MYT1L: variants seen among roughly 807,000 people sequenced by gnomAD.
MYT1L encodes the protein myelin transcription factor 1 like.
MYT1L carries 12 observed loss-of-function variants against 126.7 expected under a neutral mutation model. That is an observed-to-expected ratio of 0.09 (90% CI 0.06 to 0.15). The LOEUF is 0.15. Ranked by LOEUF, MYT1L falls within the 10% of genes least tolerant of loss-of-function variation. The pLI, the probability that MYT1L is intolerant of heterozygous loss-of-function variation, is 1.00. For missense variants in MYT1L, 979 were observed against 1,585.2 expected (o/e 0.62, Z 6.49); for synonymous variants, 541 against 604.2 (o/e 0.90, Z 1.53).
At chr2:1,853,185 C>G (rs938271561) in intron 18 of MYT1L, among the ~76,000 whole-genome samples, 7 of 152,094 alleles carry the variant, frequency 4.6e-5, no homozygotes, top group Non-Finnish European at 8.8e-5. Context: ...TGACCTGCTC[C>G]CGGGGAGAAT....
chr2:2,104,506 C>T (rs547458437), intron 3 of MYT1L, among the ~76,000 whole-genome samples: 18 of 152,254 alleles, frequency 1.2e-4, no homozygotes, highest in South Asian at 4.1e-4. Flanking sequence ...GCTTTTCAGG[C>T]GGGCAGGATG....
chr2:2,115,784 G>A (rs1377310520), intron 3 of MYT1L, among the ~76,000 whole-genome samples: 2 of 152,216 alleles, frequency 1.3e-5, no homozygotes, highest in Admixed American at 1.3e-4. Context: ...CTGTGCAGTT[G>A]AGGAAGCTGA....
At chr2:1,949,428 C>T (rs1022885929) in intron 8 of MYT1L, among the ~76,000 whole-genome samples, 21 of 152,090 alleles carry the variant, frequency 1.4e-4, no homozygotes, top group African/African-American at 4.6e-4. Context: ...GGATGCCTCA[C>T]GATGTCTTTT....
chr2:1,935,280 G>A (rs1441732544), intron 9 of MYT1L, among the ~76,000 whole-genome samples: 2 of 152,096 alleles, frequency 1.3e-5, no homozygotes, highest in Non-Finnish European at 2.9e-5. Flanking sequence ...ACTCTGTTTA[G>A]TTTTGTGTCT....
chr2:1,875,029 T>G (rs1001670888), intron 18 of MYT1L, among the ~76,000 whole-genome samples: 1 of 152,170 alleles, frequency 6.6e-6, no homozygotes, highest in Non-Finnish European at 1.5e-5. Flanking sequence ...ATAAGTATAT[T>G]CTCATTTATT....
At chr2:2,037,249 C>T (rs1184155524) in intron 4 of MYT1L, among the ~76,000 whole-genome samples, 1 of 152,180 alleles carries the variant, frequency 6.6e-6, no homozygotes, top group African/African-American at 2.4e-5. Context: ...TTGGTTTCTG[C>T]CAACCTTTCT....
chr2:2,270,451 A>G (rs187463598), intron 2 of MYT1L, among the ~76,000 whole-genome samples: 1 of 152,272 alleles, frequency 6.6e-6, no homozygotes, highest in African/African-American at 2.4e-5. Flanking sequence ...AGTCTCTACC[A>G]TGTGCCAGAT....
intron 3 of MYT1L, among the ~76,000 whole-genome samples, chr2:2,118,972 G>A (rs991580170): frequency 7.9e-5 from 12 of 152,266 alleles, no homozygotes; most frequent in African/African-American, 1.7e-4. Flanking sequence ...GCGCCAGGGC[G>A]CATGGTTGCT....
intron 2 of MYT1L, among the ~76,000 whole-genome samples, chr2:2,240,782 C>T (rs962708439): frequency 2.0e-5 from 3 of 152,202 alleles, no homozygotes; most frequent in Admixed American, 6.5e-5. Flanking sequence ...GCCAGCCCCG[C>T]GTGCCAGCGG....
At chr2:2,046,780 G>C (rs2068238870) in intron 4 of MYT1L, among the ~76,000 whole-genome samples, 1 of 152,130 alleles carries the variant, frequency 6.6e-6, no homozygotes, top group Admixed American at 6.5e-5. Flanking sequence ...GGAATTACTA[G>C]TACAGAGGAT....
rs530919507 is a variant in MYT1L, at chr2:2,274,989, G to A, written c.-421+9415C>T. The stretch of plus-strand genomic sequence containing the variant: ...GGGGCTGGAACAAGGAAAGCAGATG[G>A]CCACACACTGAGACCAGGGCAGTGT... On this transcript the variant is annotated intron_variant, in intron 2 of 24. Coordinates refer to ENST00000647738, the MANE Select transcript of MYT1L (RefSeq NM_001303052.2). 3.3e-5 allele frequency among the ~76,000 whole-genome samples: 5 copies of A among 152,208 alleles called. No individual in the cohort carries two copies. The East Asian group carries it at 7.7e-4, about 24-fold the overall frequency.
intron 2 of MYT1L, among the ~76,000 whole-genome samples, chr2:2,227,524 A>G (rs1194500193): frequency 1.3e-5 from 2 of 152,096 alleles, no homozygotes; most frequent in Non-Finnish European, 2.9e-5. Flanking sequence ...TGGAACCCAT[A>G]AGGACCTCAT....
At chr2:2,102,237 T>C (rs950026626) in intron 3 of MYT1L, among the ~76,000 whole-genome samples, 6 of 152,198 alleles carry the variant, frequency 3.9e-5, no homozygotes, top group Non-Finnish European at 5.9e-5. Context: ...ATGTGCATAA[T>C]TGGTGCTTAA....
chr2:2,097,353 G>A (rs980733731), intron 3 of MYT1L, among the ~76,000 whole-genome samples: 5 of 152,130 alleles, frequency 3.3e-5, no homozygotes, highest in Admixed American at 6.5e-5. Context: ...GCCCTCAGGT[G>A]TGTGCTCCGC....
At chr2:2,250,587 G>C (rs995830275) in intron 2 of MYT1L, among the ~76,000 whole-genome samples, 9 of 149,476 alleles carry the variant, frequency 6.0e-5, no homozygotes, top group Admixed American at 3.3e-4. Context: ...GACAAATAAG[G>C]CCTAGTTATT....
intron 21 of MYT1L, among the ~76,000 whole-genome samples, chr2:1,835,714 C>G (rs989693766): frequency 1.3e-5 from 2 of 152,162 alleles, no homozygotes; most frequent in Non-Finnish European, 2.9e-5. Context: ...CGCCCAGAGC[C>G]CTGTGACACA....
intron 2 of MYT1L, among the ~76,000 whole-genome samples, chr2:2,200,074 T>C (rs1054279231): frequency 2.6e-5 from 4 of 152,106 alleles, no homozygotes; most frequent in Admixed American, 6.6e-5. Context: ...TGTCTATAAA[T>C]ACGTCACATG....
At chr2:2,269,978 G>A (rs1362201639) in intron 2 of MYT1L, among the ~76,000 whole-genome samples, 1 of 152,210 alleles carries the variant, frequency 6.6e-6, no homozygotes, top group Non-Finnish European at 1.5e-5. Context: ...GTGGACTAAT[G>A]TTTGTGTCTC....
intron 3 of MYT1L, among the ~76,000 whole-genome samples, chr2:2,132,260 T>C (rs986390940): frequency 6.6e-6 from 1 of 152,120 alleles, no homozygotes; most frequent in Non-Finnish European, 1.5e-5. Flanking sequence ...ATCGTTCTAC[T>C]ATAAAGACAC....
Sources: allele counts gnomAD v4.1 joint callset (sites outside exome capture counted in the v4.1 genomes callset), GRCh38; gene constraint gnomAD v4.1.1; transcripts MANE v1.5; gene names NCBI Gene and HGNC (gene_info 2026-07-23, HGNC 2026-07-21).